The following ARHGAP44 variants were observed in gnomAD, a reference collection of about 807,000 sequenced individuals.
ARHGAP44 encodes Rho GTPase activating protein 44, also known as rho GTPase-activating protein 44.
Under a neutral mutation model 106.8 loss-of-function variants are expected in ARHGAP44, and 43 were observed. That is an observed-to-expected ratio of 0.40 (90% confidence interval 0.32 to 0.52). The LOEUF (loss-of-function observed/expected upper bound fraction) is 0.52. ARHGAP44 is among the 20% of genes least tolerant of loss of function. The pLI, the probability that ARHGAP44 is intolerant of heterozygous loss-of-function variation, is 0.48. For missense variants in ARHGAP44, 866 were observed against 1,050.5 expected (o/e 0.82, Z 2.43); for synonymous variants, 439 against 410.3 (o/e 1.07, Z -0.85).
At chr17:12,929,110 T>A (rs1045548053) in intron 7 of ARHGAP44, 64 bp downstream of exon 7, 12 of 1,434,604 alleles carry the variant, frequency 8.4e-6, no homozygotes, top group Non-Finnish European at 1.2e-5. Context: ...ATTCCCTTTT[T>A]GTTCACTGGA....
At chr17:12,901,266 C>T (rs1381714513) in intron 3 of ARHGAP44, among the ~76,000 whole-genome samples, 1 of 152,018 alleles carries the variant, frequency 6.6e-6, no homozygotes, top group East Asian at 1.9e-4. Flanking sequence ...CCAGAGTGAC[C>T]AGACTGTAGC....
At chr17:12,952,327 CAGAAGG>C (rs1416165869) in intron 12 of ARHGAP44, among the ~76,000 whole-genome samples, 168 bp from the exon 13 acceptor site, 3 of 152,146 alleles carry the variant, frequency 2.0e-5, no homozygotes, top group Non-Finnish European at 4.4e-5. Flanking sequence ...CAGGACAAGA[CAGAAGG>C]AGAACATAGA....
At position 12,990,505 on chromosome 17, in the gene ARHGAP44, C is replaced by T. The variant is rs779872294; in HGVS notation, c.*334C>T. ...TGGTCAGGAACGTCCTTTGCAGGGT[C>T]GGGGTGGTGCGGGAGAGGCTCACTT... On this transcript the variant is annotated 3_prime_UTR_variant, in exon 21 of 21. Transcript: ENST00000379672. 4.9e-5 allele frequency: 12 copies of T among 244,310 alleles called. No individual in the cohort carries two copies. Among genetic ancestry groups the T allele is most frequent in the Non-Finnish European group, 1.0e-4 (12 of 118,262 alleles). The allele number at this position is 244,310 out of a possible 1,614,324, so 15.1% of individuals were successfully genotyped here. A position where few individuals can be genotyped will look rare whatever the true frequency, so the allele number is the denominator to read the frequency against.
intron 6 of ARHGAP44, among the ~76,000 whole-genome samples, chr17:12,923,943 C>T (rs28499568): frequency 5.1e-4 from 78 of 152,280 alleles, no homozygotes; most frequent in African/African-American, 1.5e-3. Flanking sequence ...ATGCTCCCCC[C>T]CTACCCCCTG....
chr17:12,829,159 TG>T (rs1415263695), intron 1 of ARHGAP44, among the ~76,000 whole-genome samples: 1 of 152,120 alleles, frequency 6.6e-6, no homozygotes, highest in Admixed American at 6.5e-5. Flanking sequence ...TATTGTGTCT[TG>T]GGGGGTCCAA....
intron 3 of ARHGAP44, among the ~76,000 whole-genome samples, chr17:12,897,859 T>C (rs2037259879): frequency 6.6e-6 from 1 of 152,044 alleles, no homozygotes; most frequent in East Asian, 1.9e-4. Context: ...GGATTAGTAC[T>C]AACATTATTT....
chr17:12,924,001 G>A (rs2038163668), intron 6 of ARHGAP44, among the ~76,000 whole-genome samples: 2 of 152,190 alleles, frequency 1.3e-5, no homozygotes, highest in Non-Finnish European at 2.9e-5. Flanking sequence ...CTTCCTTGCA[G>A]CATCCTACTT....
chr17:12,942,216 A>T (rs1184640644), intron 8 of ARHGAP44, among the ~76,000 whole-genome samples: 1 of 152,164 alleles, frequency 6.6e-6, no homozygotes, highest in African/African-American at 2.4e-5. Context: ...GCGTGATCTC[A>T]GCTCACCACA....
chr17:12,872,337 C>T (rs1357893514), intron 1 of ARHGAP44, among the ~76,000 whole-genome samples: 1 of 152,156 alleles, frequency 6.6e-6, no homozygotes, highest in Non-Finnish European at 1.5e-5. Context: ...TCTAAGCCTC[C>T]TGCAGGTCTG....
At chr17:12,799,779 G>A (rs1237606697) in intron 1 of ARHGAP44, among the ~76,000 whole-genome samples, 1 of 152,104 alleles carries the variant, frequency 6.6e-6, no homozygotes, top group East Asian at 1.9e-4. Flanking sequence ...ACAGGCAGCT[G>A]CCACCACACC....
intron 1 of ARHGAP44, among the ~76,000 whole-genome samples, chr17:12,823,817 G>T (rs999212425): frequency 6.6e-6 from 1 of 152,124 alleles, no homozygotes; most frequent in Non-Finnish European, 1.5e-5. Flanking sequence ...CCATTTCTTT[G>T]TCTCACATTC....
At chr17:12,975,753 G>A (rs150189994) in intron 18 of ARHGAP44, among the ~76,000 whole-genome samples, 260 of 140,408 alleles carry the variant, frequency 1.9e-3, no homozygotes, top group African/African-American at 6.2e-3. Flanking sequence ...AGCCCGGATC[G>A]CGCCACTGCA....
At chr17:12,900,286 C>T (rs966863154) in intron 3 of ARHGAP44, among the ~76,000 whole-genome samples, 1 of 152,000 alleles carries the variant, frequency 6.6e-6, no homozygotes, top group South Asian at 2.1e-4. Flanking sequence ...CCCACCTCCA[C>T]GCCCAGATAA....
chr17:12,942,498 A>G (rs946479383), intron 8 of ARHGAP44, among the ~76,000 whole-genome samples: 3 of 152,192 alleles, frequency 2.0e-5, no homozygotes, highest in Non-Finnish European at 2.9e-5. Flanking sequence ...CATTGGTTGT[A>G]TTCATGAAGG....
chr17:12,978,683 CTTTT>C (rs2039756159), intron 18 of ARHGAP44, among the ~76,000 whole-genome samples: 1 of 69,364 alleles, frequency 1.4e-5, no homozygotes, highest in East Asian at 3.4e-4. Flanking sequence ...TTTTTCTTTT[CTTTT>C]TTCTTTTTTC....
At chr17:12,820,506 G>A (rs1269350723) in intron 1 of ARHGAP44, among the ~76,000 whole-genome samples, 1 of 152,102 alleles carries the variant, frequency 6.6e-6, no homozygotes, top group African/African-American at 2.4e-5. Context: ...GGAAAATGGA[G>A]TTGATAAGCT....
At chr17:12,836,928 T>C (rs886112123) in intron 1 of ARHGAP44, among the ~76,000 whole-genome samples, 2 of 152,218 alleles carry the variant, frequency 1.3e-5, no homozygotes, top group Non-Finnish European at 1.5e-5. Context: ...CAATTGGATC[T>C]AATTGGCAAT....
chr17:12,971,487 C>A (rs949162284), intron 16 of ARHGAP44, among the ~76,000 whole-genome samples: 1 of 152,160 alleles, frequency 6.6e-6, no homozygotes. Context: ...CCAACCATTG[C>A]AACTAAGTGG....
intron 19 of ARHGAP44, among the ~76,000 whole-genome samples, chr17:12,981,966 G>A (rs115905613): frequency 2.0e-5 from 3 of 152,180 alleles, no homozygotes; most frequent in South Asian, 4.1e-4. Context: ...AGCCAAGATC[G>A]TGCCACTGCC....
Sources: gnomAD v4.1 joint callset for allele counts (sites outside exome capture counted in the v4.1 genomes callset) on GRCh38, gnomAD v4.1.1 for gene constraint, MANE v1.5 for transcripts, NCBI Gene and HGNC (gene_info 2026-07-23, HGNC 2026-07-21) for gene names.